CFAP95: variants seen among roughly 807,000 people sequenced by gnomAD.
CFAP95 encodes the protein cilia- and flagella-associated protein 95.
the CFAP95 span, among the ~76,000 whole-genome samples, chr9:69,852,667 G>A: frequency 7.2e-5 from 11 of 152,060 alleles, no homozygotes; most frequent in African/African-American, 2.4e-4. Flanking sequence ...GGCATCAGAG[G>A]GAAAAGCTTG....
the CFAP95 span, among the ~76,000 whole-genome samples, chr9:69,875,205 T>G: frequency 6.6e-6 from 1 of 152,154 alleles, no homozygotes. Flanking sequence ...GTTGCCCTGT[T>G]TTTTGGATTT....
chr9:69,828,517 C>CA, the CFAP95 span, among the ~76,000 whole-genome samples: 1 of 151,950 alleles, frequency 6.6e-6, no homozygotes, highest in African/African-American at 2.4e-5. Context: ...CAATCTCTAC[C>CA]AAAAAACCAC....
the CFAP95 span, among the ~76,000 whole-genome samples, chr9:69,896,899 A>G: frequency 1.3e-5 from 2 of 152,172 alleles, no homozygotes; most frequent in Non-Finnish European, 2.9e-5. Flanking sequence ...TGAAAAAAAA[A>G]TTTTGAAAAA....
At chr9:69,846,500 T>G in the CFAP95 span, among the ~76,000 whole-genome samples, 1 of 152,230 alleles carries the variant, frequency 6.6e-6, no homozygotes, top group African/African-American at 2.4e-5. Context: ...CAATTTACAT[T>G]TTTCCCTATA....
At chr9:69,857,837 GT>G in the CFAP95 span, 1 of 1,464,840 alleles carries the variant, frequency 6.8e-7, no homozygotes. Context: ...CCCTAAATTA[GT>G]TTTACATGGC....
chr9:69,881,040 G>A, the CFAP95 span, among the ~76,000 whole-genome samples: 1 of 152,034 alleles, frequency 6.6e-6, no homozygotes, highest in South Asian at 2.1e-4. Context: ...AGTTGTTTGA[G>A]CTCTTTATAT....
chr9:69,871,232 T>C, the CFAP95 span, among the ~76,000 whole-genome samples: 3 of 150,706 alleles, frequency 2.0e-5, no homozygotes, highest in Non-Finnish European at 4.4e-5. Context: ...AAAAATAAAA[T>C]AATAATAATA....
At chr9:69,904,606 A>G in the CFAP95 span, among the ~76,000 whole-genome samples, 1 of 152,176 alleles carries the variant, frequency 6.6e-6, no homozygotes, top group Non-Finnish European at 1.5e-5. Flanking sequence ...GAAATGCTGA[A>G]GGAGCCCATA....
At chr9:69,828,997 A>G in the CFAP95 span, among the ~76,000 whole-genome samples, 4 of 152,208 alleles carry the variant, frequency 2.6e-5, no homozygotes, top group Admixed American at 2.6e-4. Flanking sequence ...GTCACCCTCC[A>G]TGGTTTATTA....
At chr9:69,905,705 T>C in the CFAP95 span, among the ~76,000 whole-genome samples, 1 of 152,218 alleles carries the variant, frequency 6.6e-6, no homozygotes, top group South Asian at 2.1e-4. Context: ...AGAAAAATTT[T>C]ACATGTGTGG....
the CFAP95 span, among the ~76,000 whole-genome samples, chr9:69,877,971 G>A: frequency 1.3e-5 from 2 of 152,140 alleles, no homozygotes; most frequent in Non-Finnish European, 2.9e-5. Context: ...AAAGTATGAT[G>A]GATTTTCCTG....
the CFAP95 span, among the ~76,000 whole-genome samples, chr9:69,830,163 A>G: frequency 6.6e-6 from 1 of 152,094 alleles, no homozygotes. Context: ...GGAATATATA[A>G]CTTACATCTT....
At chr9:69,842,270 C>A in the CFAP95 span, among the ~76,000 whole-genome samples, 1 of 152,136 alleles carries the variant, frequency 6.6e-6, no homozygotes, top group East Asian at 1.9e-4. Context: ...CTGCATGGAT[C>A]TGTAAGGGAA....
the CFAP95 span, among the ~76,000 whole-genome samples, chr9:69,863,669 G>A: frequency 6.6e-6 from 1 of 152,148 alleles, no homozygotes; most frequent in Non-Finnish European, 1.5e-5. Context: ...TCTGGGCTGT[G>A]TCTACGACCA....
chr9:69,886,662 T>A, the CFAP95 span, among the ~76,000 whole-genome samples: 1 of 152,194 alleles, frequency 6.6e-6, no homozygotes, highest in African/African-American at 2.4e-5. Flanking sequence ...AGGGGTACCC[T>A]GCTGCTGGTG....
chr9:69,883,436 A>G, the CFAP95 span, among the ~76,000 whole-genome samples: 1 of 152,060 alleles, frequency 6.6e-6, no homozygotes, highest in Non-Finnish European at 1.5e-5. Context: ...CTGGTTGGAG[A>G]TGTCATTTGT....
At chr9:69,890,434 T>C in the CFAP95 span, among the ~76,000 whole-genome samples, 27,885 of 152,182 alleles carry the variant, frequency 0.18, 2,849 homozygotes, top group East Asian at 0.27. Context: ...TTAGCGCTGC[T>C]TCTGACACCC....
the CFAP95 span, chr9:69,821,042 T>C: frequency 1.2e-6 from 2 of 1,609,264 alleles, no homozygotes; most frequent in Non-Finnish European, 1.7e-6. Flanking sequence ...GTGAGCGAAG[T>C]CCCCTCGCAA....
chr9:69,871,079 A>G, the CFAP95 span, among the ~76,000 whole-genome samples: 1 of 151,982 alleles, frequency 6.6e-6, no homozygotes, highest in Non-Finnish European at 1.5e-5. Flanking sequence ...GTTAGCCAGC[A>G]TGGTGGCACA....
Sources: allele counts gnomAD v4.1 joint callset (sites outside exome capture counted in the v4.1 genomes callset), GRCh38; gene constraint gnomAD v4.1.1; transcripts MANE v1.5; gene names NCBI Gene and HGNC (gene_info 2026-07-23, HGNC 2026-07-21).